BCOR: variants seen among roughly 807,000 people sequenced by gnomAD.
BCOR encodes BCL-6 corepressor.
A neutral mutation model predicts 86.7 loss-of-function variants in BCOR; 10 were observed. The observed-to-expected ratio is 0.12, with a 90% CI of 0.07 to 0.20. The LOEUF (loss-of-function observed/expected upper bound fraction) is 0.20. BCOR is among the 10% of genes least tolerant of loss of function. BCOR has a pLI of 1.00. For missense variants in BCOR, 1,259 were observed against 1,452.1 expected, an observed-to-expected ratio of 0.87 and a Z score of 2.16; for synonymous variants, 611 against 609.0, an observed-to-expected ratio of 1.00 and a Z score of -0.05.
rs1035174671 is a variant in BCOR at position 40,097,915 on chromosome X, C to A, written c.-741G>T. 1.8e-5 allele frequency among the ~76,000 whole-genome samples: 2 copies of A among 110,764 alleles called. No individual in the cohort carries two copies. The highest frequency in any genetic ancestry group is 3.8e-5 in the Non-Finnish European group (2 of 52,496). ...AGCTCGGCCCGCGTTCAGCGAGGAG[C>A]GCAGCTCTGCCTCACCTTGCCGCTG... On this transcript the variant is annotated 5_prime_UTR_variant, in exon 1 of 15. Transcript: ENST00000378444.
intron 1 of BCOR, among the ~76,000 whole-genome samples, chrX:40,145,055 G>A (rs1053763930): frequency 2.0e-5 from 2 of 98,212 alleles, no homozygotes; most frequent in Non-Finnish European, 4.0e-5. Context: ...AATCAAGGCG[G>A]TTTACGAGGC....
intron 7 of BCOR, 41 bp from the exon 8 acceptor site, chrX:40,063,993 G>T: frequency 1.0e-6 from 1 of 1,001,828 alleles, no homozygotes; most frequent in East Asian, 3.3e-5. Context: ...AAAGCCCCCC[G>T]GGGGGGAACA....
rs369322807 is a variant in BCOR at position 40,052,319 on chromosome X, G to A, written c.5058C>T (p.Asn1686=). 83 of 1,210,138 alleles carry A rather than the reference G, an allele frequency of 6.9e-5. No individual in the cohort carries two copies. The highest frequency in any genetic ancestry group is 6.9e-4 in the South Asian group (39 of 56,868). ...SSRIFRCNFP[N]VEIVTIAEAE... ...CCTCTGCAATGGTGACAATTTCCAC[G>A]TTTGGAAAATTGCAGCGAAATATGC... Residue 1686 remains asparagine (N), a synonymous_variant, in exon 15 of 15, where the codon AAC becomes AAT. Transcript: ENST00000378444.
intron 1 of BCOR, among the ~76,000 whole-genome samples, chrX:40,094,640 A>T (rs932290307): frequency 4.4e-5 from 5 of 113,419 alleles, no homozygotes; most frequent in Non-Finnish European, 9.4e-5. Flanking sequence ...GCAGCCAGGC[A>T]GCGACGCGAG....
Position 40,160,981 on chromosome X carries a change from A to AT in BCOR, c.-41+16025dup, listed in dbSNP as rs757432695. The stretch of plus-strand genomic sequence containing the variant: ...TGAGTCACCGAACTCGGCCTTTTTT[A>AT]TTTTTTTTTTTTAATTTTTATTTAT... On this transcript the variant is annotated intron_variant, in intron 1 of 14. Coordinates refer to the BCOR transcript ENST00000342274. Among the ~76,000 whole-genome samples the AT allele has an allele frequency of 3.1e-3, 290 of 93,989 alleles. 5 individuals carry two copies. In the East Asian group the frequency reaches 0.059, roughly 19 times the overall value. 81.6% of individuals were successfully genotyped at this position (93,989 alleles called of 115,157 possible). A position where few individuals can be genotyped will look rare whatever the true frequency, so the allele number is the denominator to read the frequency against.
chrX:40,117,055 A>G (rs1218819564), intron 1 of BCOR, among the ~76,000 whole-genome samples: 5 of 112,176 alleles, frequency 4.5e-5, no homozygotes, highest in African/African-American at 1.6e-4. Context: ...TTTCCAAGAT[A>G]ATTTAGGTTC....
chrX:40,124,846 G>C (rs1165585540), intron 1 of BCOR, among the ~76,000 whole-genome samples: 1 of 110,956 alleles, frequency 9.0e-6, no homozygotes, highest in African/African-American at 3.3e-5. Context: ...CAAAGTGCTA[G>C]GATTACAGGG....
At chrX:40,104,092 G>A (rs1376218535) in intron 1 of BCOR, among the ~76,000 whole-genome samples, 1 of 111,370 alleles carries the variant, frequency 9.0e-6, no homozygotes, top group Non-Finnish European at 1.9e-5. Flanking sequence ...AGGATTACTA[G>A]TGCAATTAGG....
At chrX:40,067,815 G>C (rs949079779) in intron 6 of BCOR, among the ~76,000 whole-genome samples, 15 of 111,754 alleles carry the variant, frequency 1.3e-4, no homozygotes, top group African/African-American at 4.6e-4. Context: ...AGCTATGAGG[G>C]AGAGGCTCCA....
chrX:40,054,296 G>A lies in BCOR; in HGVS notation c.4779C>T (p.Asp1593=), dbSNP rs776232139. The part of the protein sequence containing the change: ...LNDLQGRNDD[D]ASGTWDFYGS... The stretch of plus-strand genomic sequence containing the variant: ...CATAGAAGTCCCAAGTGCCACTGGC[G>A]TCATCATCATTGCGACCCTGGAGGT... Residue 1593 remains aspartate, a synonymous_variant, in exon 13 of 15, where the codon GAC becomes GAT. Coordinates refer to ENST00000378444, the MANE Select transcript of BCOR (RefSeq NM_001123385.2). The A allele has an allele frequency of 4.5e-5, 54 of 1,206,535 alleles. No individual in the cohort carries two copies. Among genetic ancestry groups the A allele is most frequent in the Admixed American group, 8.8e-5 (4 of 45,544 alleles).
chrX:40,134,170 G>T (rs970540961), intron 1 of BCOR, among the ~76,000 whole-genome samples: 2 of 107,260 alleles, frequency 1.9e-5, no homozygotes, highest in Non-Finnish European at 3.8e-5. Context: ...GGCATGAATG[G>T]GTAGAGGGAC....
intron 1 of BCOR, among the ~76,000 whole-genome samples, chrX:40,144,158 C>A (rs2147967227): frequency 9.0e-6 from 1 of 111,644 alleles, no homozygotes; most frequent in East Asian, 2.8e-4. Flanking sequence ...TAAATCCAGG[C>A]TAATGGAAAT....
Position 40,062,863 on chromosome X carries a change from G to A in BCOR, c.4056C>T (p.Asp1352=). 7.4e-6 allele frequency: 9 copies of A among 1,211,684 alleles called. No individual in the cohort carries two copies. Among genetic ancestry groups the A allele is most frequent in the Non-Finnish European group, 1.0e-5 (9 of 895,335 alleles). Residue 1352 remains aspartate (D), a synonymous_variant, in exon 9 of 15, where the codon GAC becomes GAT. Coordinates refer to ENST00000378444, the MANE Select transcript of BCOR (RefSeq NM_001123385.2). ...QAASLLQKYT[D]NSEKPSGKRL... is the part of the protein sequence containing the mutation. The stretch of plus-strand genomic sequence containing the variant: ...TCTTCCCGGATGGCTTCTCGCTGTT[G>A]TCGGTGTATTTCTGCAGCAGGGAGG...
intron 1 of BCOR, among the ~76,000 whole-genome samples, chrX:40,117,028 G>A (rs750991681): frequency 2.7e-5 from 3 of 112,488 alleles, no homozygotes; most frequent in East Asian, 2.8e-4. Context: ...CAGGGAACCC[G>A]GAGGAGAGAA....
intron 1 of BCOR, among the ~76,000 whole-genome samples, chrX:40,160,933 C>CT (rs1199551830): frequency 2.8e-5 from 3 of 107,211 alleles, no homozygotes; most frequent in Non-Finnish European, 5.8e-5. Flanking sequence ...CCTCGGCCTC[C>CT]TAAAGTGTTG....
intron 1 of BCOR, among the ~76,000 whole-genome samples, chrX:40,175,456 T>C (rs1031380204): frequency 1.8e-5 from 2 of 112,889 alleles, no homozygotes; most frequent in African/African-American, 3.2e-5. Flanking sequence ...AGAAAAAATA[T>C]CGCAACTTTT....
chrX:40,084,184 G>A (rs771772020), intron 1 of BCOR, among the ~76,000 whole-genome samples: 2 of 111,900 alleles, frequency 1.8e-5, no homozygotes, highest in Admixed American at 1.9e-4. Flanking sequence ...ATCTGCAGGG[G>A]TTGACCCTGA....
Position 40,076,448 on chromosome X carries a change from T to C in BCOR, c.165+6A>G, listed in dbSNP as rs1935811420. The stretch of plus-strand genomic sequence containing the variant: ...ATGGCATCAACAGAAGCTATTAATC[T>C]CTTACCACGTTGTGGTTCAAGGGAT... On this transcript the variant is annotated splice_donor_region_variant and intron_variant, in intron 3 of 14. Coordinates refer to ENST00000378444, the MANE Select transcript of BCOR (RefSeq NM_001123385.2). The C allele has an allele frequency of 8.5e-7, 1 of 1,177,600 alleles. No individual in the cohort carries two copies.
chrX:40,167,613 G>T (rs1485921718), intron 1 of BCOR, among the ~76,000 whole-genome samples: 3 of 112,893 alleles, frequency 2.7e-5, no homozygotes, highest in Non-Finnish European at 5.6e-5. Context: ...CCGCCTGCTC[G>T]GCTTTTATTG....
Sources: allele counts gnomAD v4.1 joint callset (sites outside exome capture counted in the v4.1 genomes callset), GRCh38; gene constraint gnomAD v4.1.1; transcripts MANE v1.5; gene names NCBI Gene and HGNC (gene_info 2026-07-23, HGNC 2026-07-21).